The following KATNAL2 variants were observed in gnomAD, a reference collection of about 807,000 sequenced individuals.
The protein encoded by KATNAL2 is katanin p60 ATPase-containing subunit A-like 2.
KATNAL2 carries 52 observed loss-of-function variants against 76.3 expected under a neutral mutation model. The ratio of observed to expected loss-of-function variants is 0.68; its 90% CI spans 0.55 to 0.86. KATNAL2 has a LOEUF of 0.86. Ranked by LOEUF, KATNAL2 falls within the 40% of genes least tolerant of loss-of-function variation. The pLI is 0.00. For missense variants in KATNAL2, 660 were observed against 668.9 expected (o/e 0.99, Z 0.15); for synonymous variants, 243 against 244.2 (o/e 1.00, Z 0.05).
In KATNAL2 at chr18:47,033,485, T is replaced by G. The variant is rs199943598; in HGVS notation, c.52-12972T>G. ...TTGTTTTCCTGTGGCTTTTCTTCCT[T>G]GAAGTCCTGGAAACAATGATTCCTC... On this transcript the variant is annotated intron_variant, in intron 3 of 17. Transcript: ENST00000683218. 1.2e-5 allele frequency: 20 copies of G among 1,614,172 alleles called. No homozygotes were observed. The East Asian group carries it at 4.5e-4, about 36-fold the overall frequency.
At chr18:47,063,472 G>A in intron 10 of KATNAL2, 111 bp downstream of exon 10, 1 of 768,494 alleles carries the variant, frequency 1.3e-6, no homozygotes, top group South Asian at 1.9e-5. Context: ...TATTTATAAA[G>A]TGCCCCCACT....
intron 1 of KATNAL2, among the ~76,000 whole-genome samples, chr18:46,918,599 T>C (rs1182661886): frequency 6.6e-6 from 1 of 152,134 alleles, no homozygotes; most frequent in African/African-American, 2.4e-5. Flanking sequence ...CGATTGTATT[T>C]TTGGTAGAAA....
chr18:47,050,615 A>G (rs2061313203), intron 4 of KATNAL2, among the ~76,000 whole-genome samples: 1 of 152,214 alleles, frequency 6.6e-6, no homozygotes, highest in African/African-American at 2.4e-5. Flanking sequence ...AAGTTCTACT[A>G]GAACTGATCA....
intron 11 of KATNAL2, 87 bp downstream of exon 11, chr18:47,067,206 G>A (rs1271440113): frequency 1.7e-6 from 1 of 580,128 alleles, no homozygotes; most frequent in East Asian, 3.1e-5. Context: ...GAAGGGAAGG[G>A]CAGGATGATT....
intron 8 of KATNAL2, 99 bp from the exon 9 acceptor site, chr18:47,062,873 C>A: frequency 1.2e-6 from 1 of 843,772 alleles, no homozygotes; most frequent in Non-Finnish European, 1.9e-6. Context: ...GCCCTATATA[C>A]CAGGGTCTAT....
intron 3 of KATNAL2, chr18:47,033,823 T>A: frequency 6.2e-7 from 1 of 1,614,082 alleles, no homozygotes; most frequent in South Asian, 1.1e-5. Flanking sequence ...GGTCATGGAG[T>A]CAGAATCCGA....
chr18:47,095,375 T>C (rs376652400), intron 15 of KATNAL2, among the ~76,000 whole-genome samples: 22 of 152,298 alleles, frequency 1.4e-4, no homozygotes, highest in African/African-American at 5.3e-4. Context: ...TGGAGATAAC[T>C]GAATCATAGG....
chr18:47,069,267 GC>G lies in KATNAL2; in HGVS notation c.874del (p.Leu292CysfsTer67). 6.2e-7 allele frequency: 1 copy of G among 1,610,660 alleles called. No individual in the cohort carries two copies. Among genetic ancestry groups the G allele is most frequent in the Non-Finnish European group, 8.5e-7 (1 of 1,178,428 alleles). On this transcript the variant is annotated frameshift_variant, in exon 12 of 18. Transcript: ENST00000683218. LOFTEE classifies it high-confidence loss of function. ...GILSPWKGLL[L>X]YGPPGTGKTL... ...TTCTTTCTCCCTGGAAAGGACTACTGCTGTACGGCCCTCCAGGTAAACACAG... is the reference window on the plus strand; with the variant it reads ...TTCTTTCTCCCTGGAAAGGACTACTGTGTACGGCCCTCCAGGTAAACACAG...
intron 3 of KATNAL2, among the ~76,000 whole-genome samples, chr18:47,031,905 C>T (rs920807908): frequency 6.6e-6 from 1 of 152,150 alleles, no homozygotes; most frequent in Non-Finnish European, 1.5e-5. Flanking sequence ...GTGTGTGTAT[C>T]ATATCTGGCA....
At chr18:47,093,990 T>G (rs536758748) in intron 15 of KATNAL2, among the ~76,000 whole-genome samples, 3 of 152,362 alleles carry the variant, frequency 2.0e-5, no homozygotes, top group Non-Finnish European at 4.4e-5. Flanking sequence ...TCCTCAAAAT[T>G]CATGTGTTAG....
intron 13 of KATNAL2, among the ~76,000 whole-genome samples, chr18:47,074,919 G>A (rs1384513220): frequency 2.0e-5 from 3 of 152,154 alleles, no homozygotes; most frequent in African/African-American, 7.2e-5. Context: ...CATATTCCAA[G>A]GCTCTTGTGT....
intron 1 of KATNAL2, among the ~76,000 whole-genome samples, chr18:46,934,350 C>G (rs529551957): frequency 3.9e-4 from 60 of 152,248 alleles, no homozygotes; most frequent in Admixed American, 7.8e-4. Context: ...CTAACTGGTG[C>G]GAGATGGTAT....
chr18:46,959,259 A>T (rs2059859315), intron 3 of KATNAL2, among the ~76,000 whole-genome samples: 1 of 152,222 alleles, frequency 6.6e-6, no homozygotes, highest in African/African-American at 2.4e-5. Flanking sequence ...AATAACTCTT[A>T]CGTTTTAAGT....
At chr18:46,930,479 T>C (rs1486713730) in intron 1 of KATNAL2, among the ~76,000 whole-genome samples, 2 of 152,134 alleles carry the variant, frequency 1.3e-5, no homozygotes, top group East Asian at 3.9e-4. Flanking sequence ...TGAAGATAAA[T>C]CTGCTTTTAG....
At chr18:47,059,725 A>T (rs1247579572) in intron 8 of KATNAL2, 71 bp downstream of exon 8, 1 of 1,121,748 alleles carries the variant, frequency 8.9e-7, no homozygotes, top group African/African-American at 1.5e-5. Flanking sequence ...AAAACAAAAA[A>T]CATTATTTTT....
At chr18:47,071,470 A>G (rs992485462) in intron 13 of KATNAL2, among the ~76,000 whole-genome samples, 4 of 152,036 alleles carry the variant, frequency 2.6e-5, no homozygotes, top group Admixed American at 6.6e-5. Context: ...TGTAGCTGAA[A>G]TTCATCTCAC....
intron 3 of KATNAL2, among the ~76,000 whole-genome samples, chr18:46,949,956 A>C (rs1264750864): frequency 6.6e-6 from 1 of 152,018 alleles, no homozygotes; most frequent in Non-Finnish European, 1.5e-5. Context: ...ATGCCTTTCC[A>C]TTACACTTGG....
intron 1 of KATNAL2, among the ~76,000 whole-genome samples, chr18:46,938,229 T>A (rs1445918314): frequency 6.6e-6 from 1 of 152,214 alleles, no homozygotes; most frequent in Non-Finnish European, 1.5e-5. Flanking sequence ...ACTCTTTATA[T>A]ATGTTTTTCA....
intron 1 of KATNAL2, among the ~76,000 whole-genome samples, chr18:46,940,530 G>C (rs2059217435): frequency 6.6e-6 from 1 of 152,164 alleles, no homozygotes; most frequent in Non-Finnish European, 1.5e-5. Flanking sequence ...TATATTCAGA[G>C]ATGGCTTGTA....
Sources: allele counts gnomAD v4.1 joint callset (sites outside exome capture counted in the v4.1 genomes callset), GRCh38; gene constraint gnomAD v4.1.1; transcripts MANE v1.5; gene names NCBI Gene and HGNC (gene_info 2026-07-23, HGNC 2026-07-21).